Variants in SEMA6A observed in about 807,000 individuals in gnomAD.
SEMA6A encodes semaphorin-6A.
Under a neutral mutation model 96.8 loss-of-function variants are expected in SEMA6A, and 25 were observed. That is an observed-to-expected ratio of 0.26 (90% CI 0.19 to 0.36). The LOEUF is 0.36. Ranked by LOEUF, SEMA6A falls within the 10% of genes least tolerant of loss-of-function variation. The pLI is 1.00. For missense variants in SEMA6A, 1,363 were observed against 1,323.1 expected, an observed-to-expected ratio of 1.03 and a Z score of -0.47; for synonymous variants, 612 against 518.0, an observed-to-expected ratio of 1.18 and a Z score of -2.46.
At chr5:116,479,763 C>G (rs1756655927) in intron 12 of SEMA6A, among the ~76,000 whole-genome samples, 1 of 152,212 alleles carries the variant, frequency 6.6e-6, no homozygotes, top group Non-Finnish European at 1.5e-5. Context: ...GAATCTGCTG[C>G]AAGTTTTGTA....
intron 1 of SEMA6A, among the ~76,000 whole-genome samples, chr5:116,518,031 C>G (rs924181171): frequency 6.6e-6 from 1 of 152,228 alleles, no homozygotes. Flanking sequence ...TGCTTTGTTA[C>G]AGGTACCTGC....
Position 116,446,263 on chromosome 5 carries a change from CATGTGT to C in SEMA6A, c.*344_*349del, listed in dbSNP as rs777609240. On this transcript the variant is annotated 3_prime_UTR_variant, in exon 19 of 19. Transcript: ENST00000343348. ...TGCGTGTGTGTGTATGTGTTGTGTG[CATGTGT>C]GTGTGTGTGTGTGTGTGGGGGTGGG... 112 of 70,724 alleles carry C rather than the reference CATGTGT, an allele frequency of 1.6e-3. No homozygotes were observed. The highest frequency in any genetic ancestry group is 8.4e-3 in the African/African-American group (66 of 7,858). The allele number at this position is 70,724 out of a possible 1,614,324, so 4.4% of individuals were successfully genotyped here. A position where few individuals can be genotyped will look rare whatever the true frequency, so the allele number is the denominator to read the frequency against.
intron 5 of SEMA6A, 183 bp from the exon 6 acceptor site, chr5:116,495,697 T>C (rs905907274): frequency 5.5e-6 from 3 of 547,260 alleles, no homozygotes; most frequent in African/African-American, 1.9e-5. Context: ...CGATTACTCT[T>C]TCAACGTAAA....
intron 1 of SEMA6A, among the ~76,000 whole-genome samples, chr5:116,569,926 G>A (rs1422955678): frequency 6.6e-6 from 1 of 152,194 alleles, no homozygotes; most frequent in Non-Finnish European, 1.5e-5. Context: ...GTGAGGTCCA[G>A]GAGAGAGGTC....
At chr5:116,449,065 C>G (rs1329553079) in intron 18 of SEMA6A, among the ~76,000 whole-genome samples, 1 of 151,630 alleles carries the variant, frequency 6.6e-6, no homozygotes, top group Non-Finnish European at 1.5e-5. Flanking sequence ...CCTGCTTAAT[C>G]AGCCACCCAG....
chr5:116,489,873 C>T (rs1040570762), intron 7 of SEMA6A, among the ~76,000 whole-genome samples: 7 of 152,074 alleles, frequency 4.6e-5, no homozygotes, highest in African/African-American at 1.7e-4. Flanking sequence ...TCTAGAATAG[C>T]AAAATCTATG....
chr5:116,502,723 C>T (rs1757946640), intron 2 of SEMA6A: 1 of 175,852 alleles, frequency 5.7e-6, no homozygotes, highest in Non-Finnish European at 1.2e-5. Flanking sequence ...CGGGACAAAA[C>T]TATTTCAAAG....
At chr5:116,558,302 T>G (rs559942934) in intron 1 of SEMA6A, among the ~76,000 whole-genome samples, 12 of 152,348 alleles carry the variant, frequency 7.9e-5, no homozygotes, top group Non-Finnish European at 1.6e-4. Flanking sequence ...ATTTTTACTT[T>G]TACTTTAAGT....
intron 18 of SEMA6A, among the ~76,000 whole-genome samples, chr5:116,458,601 T>C (rs993851912): frequency 5.9e-5 from 9 of 152,140 alleles, no homozygotes; most frequent in Non-Finnish European, 1.3e-4. Flanking sequence ...CCTTCATTTT[T>C]TGAGAAAATG....
chr5:116,571,800 C>T (rs1761226653), intron 1 of SEMA6A, among the ~76,000 whole-genome samples: 3 of 152,112 alleles, frequency 2.0e-5, no homozygotes, highest in African/African-American at 7.2e-5. Context: ...AAAACTGCTC[C>T]ATGTAGACTA....
At chr5:116,565,258 C>A (rs953370849) in intron 1 of SEMA6A, among the ~76,000 whole-genome samples, 3 of 152,208 alleles carry the variant, frequency 2.0e-5, no homozygotes, top group African/African-American at 7.2e-5. Context: ...TAATCCAACA[C>A]TGAATTATAC....
At chr5:116,516,648 T>G (rs1331163535) in intron 1 of SEMA6A, among the ~76,000 whole-genome samples, 1 of 152,212 alleles carries the variant, frequency 6.6e-6, no homozygotes, top group African/African-American at 2.4e-5. Flanking sequence ...GAGAAGACGA[T>G]TCACTAGGTG....
chr5:116,571,676 AATAG>A (rs1257740507), intron 1 of SEMA6A, among the ~76,000 whole-genome samples: 1 of 152,210 alleles, frequency 6.6e-6, no homozygotes, highest in Admixed American at 6.5e-5. Context: ...ATTATTTTTT[AATAG>A]ATAGTTTAGG....
At chr5:116,519,655 T>C (rs1024885115) in intron 1 of SEMA6A, among the ~76,000 whole-genome samples, 1 of 144,250 alleles carries the variant, frequency 6.9e-6, no homozygotes, top group Non-Finnish European at 1.5e-5. Flanking sequence ...GCTATAACGA[T>C]GCTGTGTGTA....
At chr5:116,507,003 G>T (rs1758171837) in intron 1 of SEMA6A, among the ~76,000 whole-genome samples, 1 of 152,018 alleles carries the variant, frequency 6.6e-6, no homozygotes, top group Admixed American at 6.5e-5. Context: ...TCTTAAGATT[G>T]CATGTGTCAA....
intron 1 of SEMA6A, among the ~76,000 whole-genome samples, chr5:116,570,953 C>T (rs1389525163): frequency 6.6e-6 from 1 of 152,122 alleles, no homozygotes; most frequent in Non-Finnish European, 1.5e-5. Context: ...TTCACTAGTG[C>T]AATGTTACCC....
chr5:116,461,353 C>G (rs1174898693), intron 18 of SEMA6A, among the ~76,000 whole-genome samples: 1 of 152,130 alleles, frequency 6.6e-6, no homozygotes, highest in Non-Finnish European at 1.5e-5. Flanking sequence ...AGACAGGAGC[C>G]CTTTTTCTGA....
rs114429158 is a variant in SEMA6A, at chr5:116,560,564, G to A, written c.-39+13621C>T. On this transcript the variant is annotated intron_variant, in intron 1 of 18. Transcript: ENST00000343348. The stretch of plus-strand genomic sequence containing the variant: ...GTCTATTTCATTCCTTGCTAAAAAC[G>A]TGTTTCTGTTTTATAGGTAAGAGTT... Among the ~76,000 whole-genome samples, 767 of 151,824 alleles carry A rather than the reference G, an allele frequency of 5.1e-3. 10 individuals carry two copies. The highest frequency in any genetic ancestry group is 0.018 in the African/African-American group (730 of 41,394).
intron 1 of SEMA6A, among the ~76,000 whole-genome samples, chr5:116,539,618 T>G (rs6881167): frequency 6.6e-5 from 10 of 151,610 alleles, no homozygotes; most frequent in African/African-American, 1.9e-4. Context: ...TGTGTGTGTG[T>G]ACTTTCTTTA....
Sources: gnomAD v4.1 joint callset for allele counts (sites outside exome capture counted in the v4.1 genomes callset) on GRCh38, gnomAD v4.1.1 for gene constraint, MANE v1.5 for transcripts, NCBI Gene and HGNC (gene_info 2026-07-23, HGNC 2026-07-21) for gene names.